The following TDG variants were observed in gnomAD, a reference collection of about 807,000 sequenced individuals.
TDG encodes the protein thymine DNA glycosylase, also known as G/T mismatch-specific thymine DNA glycosylase.
In TDG, 23 loss-of-function variants were observed where a neutral mutation model predicts 46.1. That is an observed-to-expected ratio of 0.50 (90% CI 0.36 to 0.71). The LOEUF is 0.71. Among genes scored for constraint, TDG ranks in the 30% least tolerant of loss-of-function variants. The probability of loss-of-function intolerance (pLI) is 0.00; values close to 1 mark genes in which losing one functional copy is unlikely to be tolerated. For missense variants in TDG, 304 were observed against 486.7 expected (o/e 0.62, Z 3.53); for synonymous variants, 115 against 161.3 (o/e 0.71, Z 2.18).
At chr12:103,973,395 C>A (rs767892831) in intron 1 of TDG, among the ~76,000 whole-genome samples, 18 of 152,134 alleles carry the variant, frequency 1.2e-4, no homozygotes, top group Non-Finnish European at 1.9e-4. Context: ...ACATCTCATG[C>A]ATTCTTTTGC....
At chr12:103,970,791 A>G (rs183934930) in intron 1 of TDG, among the ~76,000 whole-genome samples, 180 of 152,208 alleles carry the variant, frequency 1.2e-3, no homozygotes, top group African/African-American at 3.8e-3. Context: ...GCAAATCTGA[A>G]TTAACTGGAC....
intron 1 of TDG, among the ~76,000 whole-genome samples, chr12:103,969,545 C>T (rs948820014): frequency 5.3e-5 from 8 of 152,172 alleles, no homozygotes; most frequent in African/African-American, 1.9e-4. Context: ...TGACCCAAGC[C>T]TGGGAGGAAT....
At chr12:103,977,724 C>G (rs1484171968) in intron 2 of TDG, among the ~76,000 whole-genome samples, 1 of 152,100 alleles carries the variant, frequency 6.6e-6, no homozygotes, top group African/African-American at 2.4e-5. Flanking sequence ...ACAAATTAGC[C>G]TGGAAATATT....
intron 1 of TDG, among the ~76,000 whole-genome samples, chr12:103,970,277 A>G (rs993156800): frequency 6.6e-6 from 1 of 152,158 alleles, no homozygotes; most frequent in Non-Finnish European, 1.5e-5. Flanking sequence ...CAGAAGTTCA[A>G]GACTAGCCTG....
intron 1 of TDG, among the ~76,000 whole-genome samples, chr12:103,973,967 A>G (rs1871394669): frequency 6.6e-6 from 1 of 152,200 alleles, no homozygotes; most frequent in Non-Finnish European, 1.5e-5. Context: ...CTCTTATGAT[A>G]CAGGTTAATC....
Position 103,965,931 on chromosome 12 carries a change from C to G in TDG, c.-107C>G. On this transcript the variant is annotated 5_prime_UTR_variant, in exon 1 of 10. Coordinates refer to ENST00000392872, the MANE Select transcript of TDG (RefSeq NM_003211.6). The stretch of plus-strand genomic sequence containing the variant: ...GTCTGGGTACTGCCAGCCATCGGGC[C>G]CAGGTCTCTGGGGTTGTCTTACCGC... 6.7e-7 allele frequency: 1 copy of G among 1,488,670 alleles called. No homozygotes were observed. Among genetic ancestry groups the G allele is most frequent in the Non-Finnish European group, 9.0e-7 (1 of 1,106,728 alleles). The allele number at this position is 1,488,670 out of a possible 1,614,324, so 92.2% of individuals were successfully genotyped here.
chr12:103,984,968 T>C (rs1291389174), intron 8 of TDG, 48 bp downstream of exon 8: 1 of 1,428,226 alleles, frequency 7.0e-7, no homozygotes, highest in Admixed American at 2.3e-5. Context: ...TGTGTATATA[T>C]ACACATATAT....
At position 103,988,302 on chromosome 12, in the gene TDG, A is replaced by G. The variant is rs1176390917; in HGVS notation, c.*1212A>G. ...GCTGTTTTGTCAATCAATATAAAATATTTATGAGGTCTCCCCCACCCCCAG... is the reference window on the plus strand; with the variant it reads ...GCTGTTTTGTCAATCAATATAAAATGTTTATGAGGTCTCCCCCACCCCCAG... On this transcript the variant is annotated 3_prime_UTR_variant, in exon 10 of 10. Transcript: ENST00000392872. 1.3e-5 allele frequency: 2 copies of G among 152,744 alleles called. No homozygotes were observed. The highest frequency in any genetic ancestry group is 2.1e-4 in the South Asian group (1 of 4,826). The allele number at this position is 152,744 out of a possible 1,614,324, so 9.5% of individuals were successfully genotyped here. A position where few individuals can be genotyped will look rare whatever the true frequency, so the allele number is the denominator to read the frequency against.
At position 103,980,905 on chromosome 12, in the gene TDG, C is replaced by G; in HGVS notation, c.421C>G (p.Pro141Ala). ...TTTTGTTTTATAGATTGGCATAAAC[C>G]CGGGACTAATGGCTGCTTACAAAGG... ...NLDIVIIGIN[P>A]GLMAAYKGHH... Residue 141 changes from proline to alanine, a missense_variant, in exon 4 of 10, where the codon CCG becomes GCG. Transcript: ENST00000392872. The G allele has an allele frequency of 6.2e-7, 1 of 1,613,702 alleles. No individual in the cohort carries two copies. The highest frequency in any genetic ancestry group is 1.1e-5 in the South Asian group (1 of 90,998).
Position 103,965,887 on chromosome 12 carries a change from G to A in TDG, c.-151G>A. 5 of 1,242,138 alleles carry A rather than the reference G, an allele frequency of 4.0e-6. No individual in the cohort carries two copies. The highest frequency in any genetic ancestry group is 4.4e-6 in the Non-Finnish European group (4 of 907,674). The allele number at this position is 1,242,138 out of a possible 1,614,324, so 76.9% of individuals were successfully genotyped here. On this transcript the variant is annotated 5_prime_UTR_variant, in exon 1 of 10. Transcript: ENST00000392872. Reference sequence around the variant, plus strand: ...GGGGGACGGTAGAAGCCTGGAGGAGGAGCTTGAGTCCAGCCACTGTCTGGG... The same window carrying A: ...GGGGGACGGTAGAAGCCTGGAGGAGAAGCTTGAGTCCAGCCACTGTCTGGG...
chr12:103,976,811 G>C (rs1871566523), intron 1 of TDG, 107 bp from the exon 2 acceptor site: 1 of 1,335,946 alleles, frequency 7.5e-7, no homozygotes, highest in Non-Finnish European at 1.0e-6. Context: ...ACTTCAGTCT[G>C]GTTACAAAAT....
rs3751210 is a variant in TDG at position 103,983,254 on chromosome 12, A to G, written c.697+36A>G. The G allele has an allele frequency of 9.7e-3, 15,281 of 1,571,742 alleles. 786 individuals carry two copies. In the East Asian group the frequency reaches 0.17, roughly 17 times the overall value. On this transcript the variant is annotated intron_variant, in intron 6 of 9. Transcript: ENST00000392872. ...CTTTTAAATTTTTTTTTTCTTTGCT[A>G]ACATTATGGGCAATGTAAATATGTT... is the stretch of plus-strand genomic sequence containing the variant.
At chr12:103,985,047 A>G in intron 8 of TDG, 127 bp downstream of exon 8, 1 of 591,416 alleles carries the variant, frequency 1.7e-6, no homozygotes, top group South Asian at 3.6e-5. Flanking sequence ...ATATATGCAC[A>G]CGTGTATATA....
chr12:103,984,592 C>A (rs1342474353), intron 7 of TDG, among the ~76,000 whole-genome samples, 157 bp from the exon 8 acceptor site: 3 of 152,128 alleles, frequency 2.0e-5, no homozygotes, highest in Non-Finnish European at 4.4e-5. Flanking sequence ...ATTACAAATT[C>A]AACCTTAAAA....
intron 9 of TDG, among the ~76,000 whole-genome samples, chr12:103,986,007 C>G (rs4135130): frequency 6.6e-6 from 1 of 152,120 alleles, no homozygotes; most frequent in African/African-American, 2.4e-5. Flanking sequence ...GCAAGCTCCC[C>G]CTCCTGGGTT....
At chr12:103,975,368 A>AT (rs1471357940) in intron 1 of TDG, among the ~76,000 whole-genome samples, 1 of 152,096 alleles carries the variant, frequency 6.6e-6, no homozygotes, top group African/African-American at 2.4e-5. Context: ...GACTGAATCT[A>AT]TTTTGTGTTG....
Position 103,985,638 on chromosome 12 carries a change from T to C in TDG, c.1000T>C (p.Tyr334His), listed in dbSNP as rs1290820561. ...AKKMAVKEEK[Y>H]DPGYEAAYGG... ...GAAGATGGCTGTTAAGGAAGAAAAA[T>C]ATGATCCAGGTTATGAGGCAGCATA... is the stretch of plus-strand genomic sequence containing the variant. Residue 334 changes from tyrosine to histidine, a missense_variant, in exon 9 of 10, where the codon TAT (tyrosine) becomes CAT (histidine). By Grantham distance (83) the Tyr-to-His change is moderately conservative (BLOSUM62 2). Transcript: ENST00000392872. 1.9e-6 allele frequency: 3 copies of C among 1,614,088 alleles called. No homozygotes were observed. In the East Asian group the frequency reaches 6.7e-5, roughly 36 times the overall value.
intron 8 of TDG, among the ~76,000 whole-genome samples, 161 bp downstream of exon 8, chr12:103,985,081 A>T (rs1171724620): frequency 1.3e-5 from 1 of 75,312 alleles, no homozygotes; most frequent in Non-Finnish European, 3.9e-5. Flanking sequence ...ATACATATAT[A>T]CACATAAGTA....
At chr12:103,974,780 C>A (rs1871447118) in intron 1 of TDG, among the ~76,000 whole-genome samples, 1 of 151,896 alleles carries the variant, frequency 6.6e-6, no homozygotes, top group South Asian at 2.1e-4. Flanking sequence ...ACCATCCTGG[C>A]TAACACGGTG....
Sources: allele counts gnomAD v4.1 joint callset (sites outside exome capture counted in the v4.1 genomes callset), GRCh38; gene constraint gnomAD v4.1.1; transcripts MANE v1.5; gene names NCBI Gene and HGNC (gene_info 2026-07-23, HGNC 2026-07-21).